WASHC3: variants seen among roughly 807,000 people sequenced by gnomAD.
WASHC3 encodes WASH complex subunit CCDC53.
Under a neutral mutation model 26.1 loss-of-function variants are expected in WASHC3, and 24 were observed. That is an observed-to-expected ratio of 0.92 (90% CI 0.66 to 1.29). The LOEUF is 1.29. Ranked by LOEUF, WASHC3 falls within the 50% of genes most tolerant of loss-of-function variation. WASHC3 has a pLI of 0.00. For missense variants in WASHC3, 214 were observed against 229.6 expected, an observed-to-expected ratio of 0.93 and a Z score of 0.44; for synonymous variants, 77 against 75.7, an observed-to-expected ratio of 1.02 and a Z score of -0.09.
chr12:102,039,761 C>A, intron 5 of WASHC3, 107 bp downstream of exon 5: 1 of 460,806 alleles, frequency 2.2e-6, no homozygotes, highest in Non-Finnish European at 4.0e-6. Context: ...AACTTGGTTA[C>A]TTGGTTTAGC....
intron 4 of WASHC3, among the ~76,000 whole-genome samples, chr12:102,041,363 C>T (rs1234091920): frequency 6.6e-6 from 1 of 151,956 alleles, no homozygotes; most frequent in African/African-American, 2.4e-5. Context: ...TGTATTACAC[C>T]TTTGCTATTT....
At chr12:102,026,893 G>C (rs886197312) in intron 5 of WASHC3, among the ~76,000 whole-genome samples, 1 of 152,096 alleles carries the variant, frequency 6.6e-6, no homozygotes, top group African/African-American at 2.4e-5. Flanking sequence ...AGGAGGCAGG[G>C]TCATGGCATG....
At chr12:102,026,947 C>A (rs1464958408) in intron 5 of WASHC3, among the ~76,000 whole-genome samples, 3 of 152,166 alleles carry the variant, frequency 2.0e-5, no homozygotes, top group Admixed American at 1.3e-4. Flanking sequence ...GGAAAGTACA[C>A]CCAGATACAC....
intron 2 of WASHC3, among the ~76,000 whole-genome samples, chr12:102,060,462 T>C (rs1015017280): frequency 1.3e-5 from 2 of 152,220 alleles, no homozygotes; most frequent in Non-Finnish European, 2.9e-5. Flanking sequence ...TAATCCCTAG[T>C]TGGGTACTTA....
chr12:102,048,618 C>T (rs1022616256), intron 2 of WASHC3, among the ~76,000 whole-genome samples: 24 of 146,240 alleles, frequency 1.6e-4, no homozygotes, highest in African/African-American at 6.3e-4. Flanking sequence ...GGATCTAAGA[C>T]TGTCACCAAT....
intron 2 of WASHC3, among the ~76,000 whole-genome samples, chr12:102,051,243 C>T (rs1199752087): frequency 6.6e-6 from 1 of 152,112 alleles, no homozygotes; most frequent in African/African-American, 2.4e-5. Context: ...CTTTTTCCTC[C>T]CAGTTCACTC....
intron 6 of WASHC3, among the ~76,000 whole-genome samples, chr12:102,022,408 G>C (rs988420820): frequency 4.6e-5 from 7 of 152,208 alleles, no homozygotes; most frequent in Non-Finnish European, 8.8e-5. Flanking sequence ...CTTATCCAGA[G>C]CTGTGCTGAG....
At position 102,013,094 on chromosome 12, in the gene WASHC3, T is replaced by C. The variant is rs556151121; in HGVS notation, c.*14A>G. 4.9e-6 allele frequency: 6 copies of C among 1,226,132 alleles called. No individual in the cohort carries two copies. Among genetic ancestry groups the C allele is most frequent in the South Asian group, 3.9e-5 (3 of 76,218 alleles). The allele number at this position is 1,226,132 out of a possible 1,614,324, so 76.0% of individuals were successfully genotyped here. ...CCCCTATGCATGCATATGTAATTCT[T>C]ATCAAAATTAAGCTTAATCACTAAA... On this transcript the variant is annotated 3_prime_UTR_variant, in exon 7 of 7. Coordinates refer to ENST00000240079, the MANE Select transcript of WASHC3 (RefSeq NM_016053.4).
intron 1 of WASHC3, 150 bp from the exon 2 acceptor site, chr12:102,061,496 G>GT (rs1758941072): frequency 4.7e-6 from 3 of 640,578 alleles, no homozygotes; most frequent in Admixed American, 4.9e-5. Flanking sequence ...TTCCTAAGCT[G>GT]TGGGTGGGGT....
intron 6 of WASHC3, among the ~76,000 whole-genome samples, chr12:102,015,548 A>T (rs575888445): frequency 1.3e-5 from 2 of 148,278 alleles, no homozygotes; most frequent in South Asian, 2.1e-4. Flanking sequence ...ATTAATTAAT[A>T]AATGTAAAGT....
chr12:102,037,730 T>C (rs1877726630), intron 5 of WASHC3, among the ~76,000 whole-genome samples: 1 of 152,192 alleles, frequency 6.6e-6, no homozygotes, highest in African/African-American at 2.4e-5. Context: ...AGTGAGGTGA[T>C]AAGACATATG....
intron 3 of WASHC3, 150 bp downstream of exon 3, chr12:102,045,904 T>G (rs1232830167): frequency 3.6e-6 from 2 of 555,708 alleles, no homozygotes; most frequent in Non-Finnish European, 6.6e-6. Context: ...TCTTTGCAAC[T>G]GCAGTAAAAT....
intron 4 of WASHC3, chr12:102,040,520 C>T (rs527373690): frequency 6.6e-6 from 1 of 152,028 alleles, no homozygotes; most frequent in South Asian, 2.1e-4. Flanking sequence ...GCCAGTTTGT[C>T]AGACAAAATT....
chr12:102,059,550 TG>T (rs1282245548), intron 2 of WASHC3: 1 of 152,122 alleles, frequency 6.6e-6, no homozygotes, highest in Non-Finnish European at 1.5e-5. Context: ...AGATGACTAT[TG>T]TTTTCTTTGA....
At chr12:102,027,755 C>G (rs964792654) in intron 5 of WASHC3, among the ~76,000 whole-genome samples, 1 of 152,086 alleles carries the variant, frequency 6.6e-6, no homozygotes, top group East Asian at 1.9e-4. Flanking sequence ...TTACAGGTTA[C>G]TTAGAAGACT....
intron 2 of WASHC3, among the ~76,000 whole-genome samples, chr12:102,048,804 T>A (rs1438092367): frequency 6.6e-6 from 1 of 152,208 alleles, no homozygotes; most frequent in Non-Finnish European, 1.5e-5. Flanking sequence ...TCTTTTGTAA[T>A]CCTATGCATT....
intron 2 of WASHC3, among the ~76,000 whole-genome samples, chr12:102,058,486 C>A (rs11111146): frequency 0.22 from 33,131 of 151,862 alleles, 3,773 homozygotes; most frequent in African/African-American, 0.29. Flanking sequence ...TTTTAAAAGA[C>A]TACGAAGCTT....
chr12:102,034,327 A>T (rs1877561569), intron 5 of WASHC3, among the ~76,000 whole-genome samples: 1 of 152,162 alleles, frequency 6.6e-6, no homozygotes, highest in Non-Finnish European at 1.5e-5. Flanking sequence ...ACAGAAAATG[A>T]ATGGTTCAAT....
chr12:102,062,014 G>T (rs1878836408), upstream of WASHC3: 2 of 1,487,342 alleles, frequency 1.3e-6, no homozygotes, highest in Non-Finnish European at 1.8e-6. Flanking sequence ...CTCCCAGATG[G>T]GGCCCGCCCA....
Sources: gnomAD v4.1 joint callset for allele counts (sites outside exome capture counted in the v4.1 genomes callset) on GRCh38, gnomAD v4.1.1 for gene constraint, MANE v1.5 for transcripts, NCBI Gene and HGNC (gene_info 2026-07-23, HGNC 2026-07-21) for gene names.